The following BECN1 variants were observed in gnomAD, a reference collection of about 807,000 sequenced individuals.
The protein encoded by BECN1 is beclin 1, also known as beclin-1.
BECN1 carries 15 observed loss-of-function variants against 60.1 expected under a neutral mutation model. The ratio of observed to expected loss-of-function variants is 0.25; its 90% confidence interval spans 0.17 to 0.38. BECN1 has a LOEUF of 0.38. Ranked by LOEUF, BECN1 falls within the 10% of genes least tolerant of loss-of-function variation. BECN1 has a pLI of 1.00. For synonymous variants in BECN1, 179 were observed against 201.8 expected, an observed-to-expected ratio of 0.89 and a Z score of 0.96; for missense variants, 424 against 548.2, an observed-to-expected ratio of 0.77 and a Z score of 2.26.
At chr17:42,820,134 C>T (rs1023623588) in intron 3 of BECN1, among the ~76,000 whole-genome samples, 5 of 149,710 alleles carry the variant, frequency 3.3e-5, no homozygotes, top group African/African-American at 7.3e-5. Context: ...CTGCAGGGGG[C>T]GCTGGCCAGA....
At position 42,811,756 on chromosome 17, in the gene BECN1, C is replaced by T; in HGVS notation, c.1083G>A (p.Trp361Ter). The T allele has an allele frequency of 1.2e-6, 2 of 1,614,088 alleles. No individual in the cohort carries two copies. The highest frequency in any genetic ancestry group is 1.7e-6 in the Non-Finnish European group (2 of 1,180,006). The change falls in exon 11 of 12, where the codon TGG becomes TGA. Residue 361 changes from tryptophan (W) to a stop codon, truncating the protein, a stop_gained. Coordinates refer to ENST00000590099, the MANE Select transcript of BECN1 (RefSeq NM_001313998.2). LOFTEE classifies it high-confidence loss of function. The part of the protein sequence containing the change: ...LYCSGGLRFF[W>*]DNKFDHAMVA... ...CCATTGCATGGTCAAACTTGTTGTC[C>T]CAGAAAAACCGCAACCCCCCAGAAC...
At chr17:42,812,741 A>T (rs1280337877) in intron 10 of BECN1, 1 of 151,630 alleles carries the variant, frequency 6.6e-6, no homozygotes, top group South Asian at 2.1e-4. Flanking sequence ...AATAAATAAA[A>T]ATAATAAAAA....
rs1464677286 is a variant in BECN1 at position 42,810,175 on chromosome 17, A to C, written c.*585T>G. ...GCAAATCTTTTATTACAAATAATTAAATCTCTCCATAATGTCTCAAACAGT... is the reference window on the plus strand; with the variant it reads ...GCAAATCTTTTATTACAAATAATTACATCTCTCCATAATGTCTCAAACAGT... On this transcript the variant is annotated 3_prime_UTR_variant, in exon 12 of 12. Coordinates refer to ENST00000590099, the MANE Select transcript of BECN1 (RefSeq NM_001313998.2). The C allele has an allele frequency of 6.5e-6, 1 of 152,744 alleles. No individual in the cohort carries two copies. Among genetic ancestry groups the C allele is most frequent in the African/African-American group, 2.4e-5 (1 of 41,470 alleles). 9.5% of individuals were successfully genotyped at this position (152,744 alleles called of 1,614,324 possible). A position where few individuals can be genotyped will look rare whatever the true frequency, so the allele number is the denominator to read the frequency against.
chr17:42,823,648 T>C, intron 2 of BECN1, 100 bp downstream of exon 2: 1 of 1,454,552 alleles, frequency 6.9e-7, no homozygotes, highest in Non-Finnish European at 9.3e-7. Flanking sequence ...GTTCACACGA[T>C]GAGTTTGTGG....
chr17:42,823,456 G>T (rs559364460), intron 2 of BECN1, among the ~76,000 whole-genome samples: 1 of 152,160 alleles, frequency 6.6e-6, no homozygotes, highest in East Asian at 1.9e-4. Flanking sequence ...GTTTCGCCAT[G>T]TTGGCCAGGC....
chr17:42,820,464 GAC>G (rs2055240232), intron 3 of BECN1: 1 of 309,374 alleles, frequency 3.2e-6, no homozygotes, highest in Admixed American at 4.2e-5. Context: ...GAACGACCTG[GAC>G]ACACAGGTCA....
Position 42,823,085 on chromosome 17 carries a change from T to C in BECN1, c.130+663A>G, listed in dbSNP as rs373358166. On this transcript the variant is annotated intron_variant, in intron 2 of 11. Coordinates refer to ENST00000590099, the MANE Select transcript of BECN1 (RefSeq NM_001313998.2). ...GTTCTTCATCTGAAAAATGATGTAA[T>C]GACGGTATACCCCGTACGGGTTGTT... 5.3e-5 allele frequency among the ~76,000 whole-genome samples: 8 copies of C among 152,170 alleles called. No individual in the cohort carries two copies. In the East Asian group the frequency reaches 1.5e-3, roughly 29 times the overall value.
intron 8 of BECN1, 22 bp from the exon 9 acceptor site, chr17:42,814,695 TG>T (rs747127691): frequency 6.2e-7 from 1 of 1,613,482 alleles, no homozygotes; most frequent in Admixed American, 1.7e-5. Context: ...GGCAGAAAGG[TG>T]GGGGGAAATA....
chr17:42,816,846 T>G (rs2055157895), intron 7 of BECN1, among the ~76,000 whole-genome samples: 2 of 152,078 alleles, frequency 1.3e-5, no homozygotes, highest in Non-Finnish European at 2.9e-5. Context: ...GGCGCACGCC[T>G]GTAGTCCCAG....
chr17:42,813,070 T>G (rs1460166759), intron 10 of BECN1, among the ~76,000 whole-genome samples: 1 of 149,164 alleles, frequency 6.7e-6, no homozygotes, highest in Non-Finnish European at 1.5e-5. Flanking sequence ...GGTCTCAATC[T>G]CCTGACCTTG....
intron 7 of BECN1, among the ~76,000 whole-genome samples, chr17:42,817,842 C>T (rs570470536): frequency 6.6e-6 from 1 of 152,270 alleles, no homozygotes; most frequent in African/African-American, 2.4e-5. Flanking sequence ...AACGACCATA[C>T]CTGGCCCCCA....
At chr17:42,819,738 A>G in intron 3 of BECN1, 129 bp from the exon 4 acceptor site, 1 of 894,036 alleles carries the variant, frequency 1.1e-6, no homozygotes, top group South Asian at 1.7e-5. Context: ...AGAGACTTAA[A>G]AAATGGGTAT....
chr17:42,814,808 T>A, intron 8 of BECN1, 135 bp from the exon 9 acceptor site: 1 of 1,122,744 alleles, frequency 8.9e-7, no homozygotes, highest in Non-Finnish European at 1.2e-6. Flanking sequence ...GCACTTTAAA[T>A]ACATGTCCAA....
rs202236284 is a variant in BECN1 at position 42,823,737 on chromosome 17, G to A, written c.130+11C>T. 1.5e-4 allele frequency: 239 copies of A among 1,612,958 alleles called. 1 individual carries two copies. Among genetic ancestry groups the A allele is most frequent in the Middle Eastern group, 1.3e-3 (8 of 6,058 alleles). On this transcript the variant is annotated intron_variant, in intron 2 of 11. Transcript: ENST00000590099. ...ATTCTTGACCACCCTCTTTCCAAGG[G>A]TCTCGCTGACCTGTGAGTTCCTGGA...
rs749615315 is a variant in BECN1, at chr17:42,811,016, G to A, written c.1185-88C>T. On this transcript the variant is annotated intron_variant, in intron 11 of 11. Transcript: ENST00000590099. ...GGGACTTGATCATGGGACCATTCACGTCATTTTATCTATTAAAGAACACTT... is the reference window on the plus strand; with the variant it reads ...GGGACTTGATCATGGGACCATTCACATCATTTTATCTATTAAAGAACACTT... 9.1e-6 allele frequency: 12 copies of A among 1,323,700 alleles called. No homozygotes were observed. The Middle Eastern group carries it at 6.6e-4, about 73-fold the overall frequency. 82.0% of individuals were successfully genotyped at this position (1,323,700 alleles called of 1,614,324 possible).
At chr17:42,815,190 A>T (rs2055120657) in intron 8 of BECN1, among the ~76,000 whole-genome samples, 1 of 149,988 alleles carries the variant, frequency 6.7e-6, no homozygotes, top group South Asian at 2.1e-4. Flanking sequence ...GAGATCCTTC[A>T]GGAACTGGTA....
chr17:42,814,428 A>G, intron 9 of BECN1, 96 bp downstream of exon 9: 1 of 1,529,944 alleles, frequency 6.5e-7, no homozygotes, highest in South Asian at 1.2e-5. Context: ...GTCTGTGGGC[A>G]GCAAGGGCTC....
At chr17:42,816,824 G>A (rs1567670985) in intron 7 of BECN1, among the ~76,000 whole-genome samples, 1 of 151,790 alleles carries the variant, frequency 6.6e-6, no homozygotes, top group Non-Finnish European at 1.5e-5. Context: ...AATAAAATTA[G>A]CCAGGCGTGG....
chr17:42,813,059 T>C (rs1257036264), intron 10 of BECN1, among the ~76,000 whole-genome samples: 1 of 148,526 alleles, frequency 6.7e-6, no homozygotes, highest in Non-Finnish European at 1.5e-5. Context: ...TTAGCCAGGA[T>C]GGTCTCAATC....
Sources: gnomAD v4.1 joint callset for allele counts (sites outside exome capture counted in the v4.1 genomes callset) on GRCh38, gnomAD v4.1.1 for gene constraint, MANE v1.5 for transcripts, NCBI Gene and HGNC (gene_info 2026-07-23, HGNC 2026-07-21) for gene names.